The following ALDH1L2 variants were observed in gnomAD, a reference collection of about 807,000 sequenced individuals.
The protein encoded by ALDH1L2 is mitochondrial 10-formyltetrahydrofolate dehydrogenase.
ALDH1L2 carries 91 observed loss-of-function variants against 111.0 expected under a neutral mutation model. The observed-to-expected ratio is 0.82, with a 90% CI of 0.69 to 0.98. ALDH1L2 has a LOEUF of 0.98. Among genes scored for constraint, ALDH1L2 ranks in the 50% least tolerant of loss-of-function variants. The probability of loss-of-function intolerance (pLI) is 0.00; values close to 1 mark genes in which losing one functional copy is unlikely to be tolerated. For missense variants in ALDH1L2, 995 were observed against 1,126.8 expected (o/e 0.88, Z 1.67); for synonymous variants, 374 against 392.6 (o/e 0.95, Z 0.56).
rs142499729 is a variant in ALDH1L2, at chr12:105,070,861, A to G, written c.194-57T>C. The G allele has an allele frequency of 3.8e-3, 4,991 of 1,310,442 alleles. 19 individuals are homozygous for G. The highest frequency in any genetic ancestry group is 4.9e-3 in the Non-Finnish European group (4,587 of 932,920). 81.2% of individuals were successfully genotyped at this position (1,310,442 alleles called of 1,614,324 possible). A position where few individuals can be genotyped will look rare whatever the true frequency, so the allele number is the denominator to read the frequency against. ...AAGTTAGCCATAATTTTACATCACT[A>G]TGAATTCATATGTTGTAATTTTACA... On this transcript the variant is annotated intron_variant, in intron 2 of 22. Coordinates refer to ENST00000258494, the MANE Select transcript of ALDH1L2 (RefSeq NM_001034173.4).
intron 20 of ALDH1L2, 105 bp from the exon 21 acceptor site, chr12:105,030,534 C>G (rs1874643584): frequency 2.3e-6 from 2 of 867,760 alleles, no homozygotes; most frequent in Middle Eastern, 2.6e-4. Context: ...CCCTCTGGCC[C>G]AGTAAAACCA....
chr12:105,075,361 A>G (rs995953508), intron 1 of ALDH1L2, among the ~76,000 whole-genome samples: 3 of 152,158 alleles, frequency 2.0e-5, no homozygotes, highest in African/African-American at 7.2e-5. Context: ...GAGGCGGGTG[A>G]ATCACCTGAG....
intron 1 of ALDH1L2, among the ~76,000 whole-genome samples, chr12:105,074,644 C>T (rs1877943889): frequency 6.6e-6 from 1 of 151,980 alleles, no homozygotes; most frequent in Admixed American, 6.6e-5. Flanking sequence ...TATCCCCCTC[C>T]AATCTAAATG....
At chr12:105,037,306 T>C (rs2136057232) in intron 18 of ALDH1L2, among the ~76,000 whole-genome samples, 1 of 152,348 alleles carries the variant, frequency 6.6e-6, no homozygotes, top group South Asian at 2.1e-4. Context: ...TGAGAGTTCC[T>C]TTGTGCCCTT....
At chr12:105,040,939 A>G (rs1226257001) in intron 15 of ALDH1L2, among the ~76,000 whole-genome samples, 1 of 152,204 alleles carries the variant, frequency 6.6e-6, no homozygotes, top group African/African-American at 2.4e-5. Context: ...CTTTCTGTAT[A>G]TATTTTTCTA....
At chr12:105,066,483 TG>T in intron 5 of ALDH1L2, 84 bp downstream of exon 5, 1 of 1,323,726 alleles carries the variant, frequency 7.6e-7, no homozygotes. Context: ...GCTTACCTTT[TG>T]GCAAGATCAT....
chr12:105,044,282 G>C (rs1875711044), intron 15 of ALDH1L2, among the ~76,000 whole-genome samples: 1 of 152,100 alleles, frequency 6.6e-6, no homozygotes, highest in South Asian at 2.1e-4. Flanking sequence ...CCATTCCTCA[G>C]TGATTAGCAC....
intron 20 of ALDH1L2, 97 bp from the exon 21 acceptor site, chr12:105,030,526 C>T (rs1874643455): frequency 2.0e-6 from 2 of 1,022,240 alleles, no homozygotes; most frequent in Non-Finnish European, 2.7e-6. Flanking sequence ...TTTTCTTTCC[C>T]TCTGGCCCAG....
At chr12:105,060,165 A>T (rs1876899219) in intron 9 of ALDH1L2, among the ~76,000 whole-genome samples, 1 of 148,970 alleles carries the variant, frequency 6.7e-6, no homozygotes, top group African/African-American at 2.5e-5. Context: ...TAGGTAATTT[A>T]TGGGGGGGGC....
intron 22 of ALDH1L2, 24 bp from the exon 23 acceptor site, chr12:105,024,503 C>G (rs1217280450): frequency 6.2e-7 from 1 of 1,611,380 alleles, no homozygotes; most frequent in Non-Finnish European, 8.5e-7. Flanking sequence ...AAGCAGTTGA[C>G]AGACCACATT....
At chr12:105,051,303 AC>A (rs1343926558) in intron 12 of ALDH1L2, among the ~76,000 whole-genome samples, 3 of 152,042 alleles carry the variant, frequency 2.0e-5, no homozygotes, top group Non-Finnish European at 4.4e-5. Context: ...ACTGGGAGGC[AC>A]CCGCAGAATA....
intron 10 of ALDH1L2, among the ~76,000 whole-genome samples, chr12:105,054,959 C>T (rs1876522734): frequency 6.6e-6 from 1 of 152,148 alleles, no homozygotes; most frequent in Non-Finnish European, 1.5e-5. Flanking sequence ...ATTGCAGCTG[C>T]CCACAGCCAC....
At position 105,046,149 on chromosome 12, in the gene ALDH1L2, T is replaced by TTCTCTC. The variant is rs541003101; in HGVS notation, c.1863+555_1863+560dup. Among the ~76,000 whole-genome samples the TTCTCTC allele has an allele frequency of 8.7e-3, 312 of 35,888 alleles. 6 individuals are homozygous for TTCTCTC. Among genetic ancestry groups the TTCTCTC allele is most frequent in the Non-Finnish European group, 9.8e-3 (203 of 20,610 alleles). 23.5% of individuals were successfully genotyped at this position (35,888 alleles called of 152,430 possible). A position where few individuals can be genotyped will look rare whatever the true frequency, so the allele number is the denominator to read the frequency against. On this transcript the variant is annotated intron_variant, in intron 15 of 22. Coordinates refer to ENST00000258494, the MANE Select transcript of ALDH1L2 (RefSeq NM_001034173.4). ...ATGCTTTTCCCTCATCTTCTACATC[T>TTCTCTC]TCTCTCTCTCTCTCTCTCTCTCTCT...
chr12:105,080,491 A>G (rs11112361), intron 1 of ALDH1L2, among the ~76,000 whole-genome samples: 103,645 of 152,020 alleles, frequency 0.68, 35,397 homozygotes, highest in Middle Eastern at 0.78. Flanking sequence ...CTCCTTGAAA[A>G]TGGGACTATT....
rs1416857779 is a variant in ALDH1L2, at chr12:105,021,578, C to CT, written c.*2845dup. 5.6e-5 allele frequency: 7 copies of CT among 125,974 alleles called. 1 individual carries two copies. The highest frequency in any genetic ancestry group is 1.6e-4 in the Admixed American group (2 of 12,770). 7.8% of individuals were successfully genotyped at this position (125,974 alleles called of 1,614,324 possible). A position where few individuals can be genotyped will look rare whatever the true frequency, so the allele number is the denominator to read the frequency against. On this transcript the variant is annotated 3_prime_UTR_variant, in exon 23 of 23. Transcript: ENST00000258494. Reference sequence around the variant, plus strand: ...CAGCCTGGGCAACAAGAGCAAAACTCTGTCTCAAAAAAAAAAAAAAGTAAT... The same window carrying CT: ...CAGCCTGGGCAACAAGAGCAAAACTCTTGTCTCAAAAAAAAAAAAAAGTAAT...
intron 1 of ALDH1L2, among the ~76,000 whole-genome samples, chr12:105,079,039 A>T (rs184936058): frequency 6.6e-6 from 1 of 152,322 alleles, no homozygotes; most frequent in East Asian, 1.9e-4. Flanking sequence ...TTTAAGCAGG[A>T]GAGTTAATTG....
intron 12 of ALDH1L2, chr12:105,050,682 C>G (rs932978814): frequency 1.5e-5 from 7 of 453,604 alleles, no homozygotes; most frequent in Non-Finnish European, 3.1e-5. Context: ...TGTTCCAGAT[C>G]TTGCTTGTAT....
intron 2 of ALDH1L2, chr12:105,072,640 A>G (rs1877803018): frequency 6.6e-6 from 1 of 152,238 alleles, no homozygotes; most frequent in Non-Finnish European, 1.5e-5. Flanking sequence ...ATGGCAAAGA[A>G]AAATGGGGTG....
rs1874117769 is a variant in ALDH1L2 at position 105,020,718 on chromosome 12, A to G, written c.*3706T>C. 1.3e-5 allele frequency: 2 copies of G among 152,238 alleles called. No individual in the cohort carries two copies. Among genetic ancestry groups the G allele is most frequent in the Non-Finnish European group, 2.9e-5 (2 of 68,058 alleles). 9.4% of individuals were successfully genotyped at this position (152,238 alleles called of 1,614,324 possible). A position where few individuals can be genotyped will look rare whatever the true frequency, so the allele number is the denominator to read the frequency against. On this transcript the variant is annotated 3_prime_UTR_variant, in exon 23 of 23. Transcript: ENST00000258494. ...AGTCAGGGAATGTGTCTCTCATCAG[A>G]TGATATTTGAGGAGAGACCTGCAGG...
Sources: allele counts gnomAD v4.1 joint callset (sites outside exome capture counted in the v4.1 genomes callset), GRCh38; gene constraint gnomAD v4.1.1; transcripts MANE v1.5; gene names NCBI Gene and HGNC (gene_info 2026-07-23, HGNC 2026-07-21).